Variants in HYAL4 observed in about 807,000 individuals in gnomAD.
HYAL4 encodes hyaluronidase-4.
In HYAL4, 37 loss-of-function variants were observed where a neutral mutation model predicts 35.2. The observed-to-expected ratio is 1.05, with a 90% confidence interval of 0.81 to 1.38. The LOEUF (loss-of-function observed/expected upper bound fraction) is 1.38, where lower values mean the gene tolerates loss of function less well. HYAL4 is among the 40% of genes most tolerant of loss of function. The pLI is 0.00. For missense variants in HYAL4, 572 were observed against 572.4 expected (o/e 1.00, Z 0.01); for synonymous variants, 198 against 203.2 (o/e 0.97, Z 0.22).
chr7:123,790,709 C>T, the HYAL4 span: 1 of 151,386 alleles, frequency 6.6e-6, no homozygotes, highest in Non-Finnish European at 1.5e-5. Context: ...CCGAAGCGAG[C>T]ACCAAAGACA....
the HYAL4 span, among the ~76,000 whole-genome samples, chr7:123,795,516 T>A: frequency 6.6e-6 from 1 of 152,278 alleles, no homozygotes; most frequent in African/African-American, 2.4e-5. Flanking sequence ...ATGGGGTGTT[T>A]TCTCAAGTTC....
chr7:123,841,539 A>G (rs376277323), upstream of HYAL4, among the ~76,000 whole-genome samples: 237 of 151,866 alleles, frequency 1.6e-3, no homozygotes, highest in African/African-American at 5.4e-3. Context: ...CTCTTTTTCT[A>G]TTGTTTGGAA....
At chr7:123,857,299 G>A (rs761132347) in intron 2 of HYAL4, among the ~76,000 whole-genome samples, 1 of 152,108 alleles carries the variant, frequency 6.6e-6, no homozygotes, top group African/African-American at 2.4e-5. Context: ...TGAAACCCAG[G>A]ACCCTGATAG....
chr7:123,876,714 G>T, intron 4 of HYAL4, 40 bp from the exon 5 acceptor site: 1 of 1,585,166 alleles, frequency 6.3e-7, no homozygotes, highest in Non-Finnish European at 8.6e-7. Context: ...ATTTCTACCA[G>T]GGAGAACACA....
the HYAL4 span, among the ~76,000 whole-genome samples, chr7:123,823,743 A>G: frequency 7.5e-6 from 1 of 133,720 alleles, no homozygotes; most frequent in South Asian, 2.3e-4. Context: ...ATATATATAT[A>G]TACACACACA....
upstream of HYAL4, among the ~76,000 whole-genome samples, chr7:123,825,067 TC>T (rs1307692619): frequency 6.6e-6 from 1 of 152,162 alleles, no homozygotes; most frequent in African/African-American, 2.4e-5. Flanking sequence ...TCCTTAGTTG[TC>T]AACCCCACTG....
At chr7:123,805,008 C>A in the HYAL4 span, among the ~76,000 whole-genome samples, 1 of 152,140 alleles carries the variant, frequency 6.6e-6, no homozygotes, top group Non-Finnish European at 1.5e-5. Context: ...TAACCTCTAG[C>A]CTTTCTTCCC....
chr7:123,852,800 A>G (rs187040113), intron 2 of HYAL4, among the ~76,000 whole-genome samples: 2 of 152,146 alleles, frequency 1.3e-5, no homozygotes, highest in African/African-American at 2.4e-5. Flanking sequence ...TGATGGGAAT[A>G]GCATTGAATC....
chr7:123,775,947 A>G, the HYAL4 span, among the ~76,000 whole-genome samples: 1 of 152,248 alleles, frequency 6.6e-6, no homozygotes, highest in African/African-American at 2.4e-5. Flanking sequence ...TGGCCTGGCC[A>G]CTTTAGCCAT....
rs554069379 is a variant in HYAL4, at chr7:123,860,880, T to A, written c.-51-7343T>A. 2.6e-5 allele frequency among the ~76,000 whole-genome samples: 4 copies of A among 152,328 alleles called. No homozygotes were observed. In the East Asian group the frequency reaches 7.7e-4, roughly 29 times the overall value. ...TTCACCTTGCTCAAATTTCTTATCC[T>A]GCTAAAATATATATGCTTGTACAGA... On this transcript the variant is annotated intron_variant, in intron 2 of 4. Transcript: ENST00000223026.
the HYAL4 span, among the ~76,000 whole-genome samples, chr7:123,774,929 G>A: frequency 6.6e-6 from 1 of 152,244 alleles, no homozygotes; most frequent in African/African-American, 2.4e-5. Flanking sequence ...TCTCTTCTAT[G>A]TGTACCTTTA....
the HYAL4 span, among the ~76,000 whole-genome samples, chr7:123,782,281 C>T: frequency 6.6e-6 from 1 of 152,210 alleles, no homozygotes; most frequent in African/African-American, 2.4e-5. Context: ...TGAGAAATTC[C>T]ATTGTGTATT....
At chr7:123,840,314 T>A (rs1806032408), upstream of HYAL4, among the ~76,000 whole-genome samples, 1 of 152,218 alleles carries the variant, frequency 6.6e-6, no homozygotes, top group Non-Finnish European at 1.5e-5. Context: ...TGGTGTTATT[T>A]CTAGGGCCTC....
chr7:123,780,229 G>A, the HYAL4 span, among the ~76,000 whole-genome samples: 2 of 152,026 alleles, frequency 1.3e-5, no homozygotes, highest in African/African-American at 2.4e-5. Flanking sequence ...ATATATATTC[G>A]CTAAGAATTT....
chr7:123,797,698 G>A, the HYAL4 span, among the ~76,000 whole-genome samples: 16 of 152,260 alleles, frequency 1.1e-4, no homozygotes, highest in Admixed American at 1.0e-3. Context: ...AATTACTAAG[G>A]CACATGGCTC....
chr7:123,840,805 C>A (rs923486998), upstream of HYAL4, among the ~76,000 whole-genome samples: 2 of 151,796 alleles, frequency 1.3e-5, no homozygotes, highest in African/African-American at 4.8e-5. Context: ...TAATGGTGTA[C>A]AGGAATGCTT....
chr7:123,843,257 A>T (rs1448821351), upstream of HYAL4, among the ~76,000 whole-genome samples: 1 of 151,968 alleles, frequency 6.6e-6, no homozygotes, highest in Non-Finnish European at 1.5e-5. Context: ...TTCACTTATG[A>T]AGCTTAGTTT....
At chr7:123,807,432 G>GTTTGTTTTTTTTTTTTTTTTTTT in the HYAL4 span, among the ~76,000 whole-genome samples, 2 of 120,802 alleles carry the variant, frequency 1.7e-5, no homozygotes, top group East Asian at 2.4e-4. Flanking sequence ...ACTTTTTATG[G>GTTTGTTTTTTTTTTTTTTTTTTT]TTTTTTTTTT....
intron 2 of HYAL4, among the ~76,000 whole-genome samples, chr7:123,851,344 T>C (rs1430399447): frequency 6.6e-6 from 1 of 152,174 alleles, no homozygotes; most frequent in East Asian, 1.9e-4. Context: ...GCTGCACCAA[T>C]CCACCTGTCA....
Sources: gnomAD v4.1 joint callset for allele counts (sites outside exome capture counted in the v4.1 genomes callset) on GRCh38, gnomAD v4.1.1 for gene constraint, MANE v1.5 for transcripts, NCBI Gene and HGNC (gene_info 2026-07-23, HGNC 2026-07-21) for gene names.